Variants in VPS11 observed in about 807,000 individuals in gnomAD.
VPS11 encodes the protein vacuolar protein sorting-associated protein 11 homolog.
Under a neutral mutation model 106.8 loss-of-function variants are expected in VPS11, and 51 were observed. The observed-to-expected ratio is 0.48, with a 90% CI of 0.38 to 0.60. VPS11 has a LOEUF of 0.60. VPS11 is among the 20% of genes least tolerant of loss of function. The pLI, the probability that VPS11 is intolerant of heterozygous loss-of-function variation, is 0.00. For missense variants in VPS11, 950 were observed against 1,190.0 expected (o/e 0.80, Z 2.97); for synonymous variants, 453 against 458.7 (o/e 0.99, Z 0.16).
At position 119,077,557 on chromosome 11, in the gene VPS11, G is replaced by C; in HGVS notation, c.1482G>C (p.Arg494=). The C allele has an allele frequency of 3.7e-6, 6 of 1,614,000 alleles. No homozygotes were observed. The highest frequency in any genetic ancestry group is 5.1e-6 in the Non-Finnish European group (6 of 1,179,872). Reference sequence around the variant, plus strand: ...TGGAGACAGCCATCAAGGTCCTCCGGCAGGCTGGCTACTACTCCCATGCCC... The same window carrying C: ...TGGAGACAGCCATCAAGGTCCTCCGCCAGGCTGGCTACTACTCCCATGCCC... The part of the protein sequence containing the change: ...FDVETAIKVL[R]QAGYYSHALY... The change falls in exon 9 of 16, where the codon CGG becomes CGC. Residue 494 remains arginine, a synonymous_variant. Transcript: ENST00000621676.
At chr11:119,071,212 G>C (rs1945375500) in intron 4 of VPS11, among the ~76,000 whole-genome samples, 2 of 152,222 alleles carry the variant, frequency 1.3e-5, no homozygotes, top group Non-Finnish European at 2.9e-5. Context: ...TTACAGGCAT[G>C]AGCCACTGCA....
chr11:119,069,177 C>T lies in VPS11; in HGVS notation c.188-19C>T, dbSNP rs1017758359. ...TAAGTATCTCTCCTTGGAAAGGAGG[C>T]TCCTTGACTACCCTGCACATATGGA... On this transcript the variant is annotated intron_variant, in intron 1 of 15. Coordinates refer to ENST00000621676, the MANE Select transcript of VPS11 (RefSeq NM_021729.6). 1.2e-5 allele frequency: 19 copies of T among 1,613,082 alleles called. No individual in the cohort carries two copies. The Admixed American group carries it at 2.0e-4, about 17-fold the overall frequency.
rs1288596421 is a variant in VPS11, at chr11:119,081,769, T to C, written c.*146T>C. 1.8e-6 allele frequency: 2 copies of C among 1,094,112 alleles called. No individual in the cohort carries two copies. The highest frequency in any genetic ancestry group is 5.2e-5 in the East Asian group (2 of 38,544). The allele number at this position is 1,094,112 out of a possible 1,614,324, so 67.8% of individuals were successfully genotyped here. A position where few individuals can be genotyped will look rare whatever the true frequency, so the allele number is the denominator to read the frequency against. On this transcript the variant is annotated 3_prime_UTR_variant, in exon 16 of 16. Transcript: ENST00000621676. ...CACAGCCCTCAGAACTAAAGCGGAC[T>C]TTCTTTCCCTGCCTTCTTATTTAGT... is the stretch of plus-strand genomic sequence containing the variant.
intron 10 of VPS11, 49 bp from the exon 11 acceptor site, chr11:119,078,124 A>G (rs781965646): frequency 3.1e-6 from 5 of 1,609,744 alleles, no homozygotes; most frequent in Non-Finnish European, 4.2e-6. Flanking sequence ...GGCTTCCTGT[A>G]TATCACGCCC....
chr11:119,078,994 C>G lies in VPS11; in HGVS notation c.2263C>G (p.Leu755Val). 6.2e-7 allele frequency: 1 copy of G among 1,613,926 alleles called. No homozygotes were observed. Among genetic ancestry groups the G allele is most frequent in the Non-Finnish European group, 8.5e-7 (1 of 1,179,898 alleles). Residue 755 changes from leucine (L) to valine (V), a missense_variant, in exon 13 of 16, where the codon CTA becomes GTA. Physicochemically the swap from Leu to Val is conservative, Grantham distance 32. This residue lies in a region of VPS11 where 453 missense variants were observed against 514.6 expected (regional missense o/e 0.88). Coordinates refer to ENST00000621676, the MANE Select transcript of VPS11 (RefSeq NM_021729.6). Reference protein sequence around the residue: ...IENKNLMPPLLVVQTLAHNST... With the variant: ...IENKNLMPPLVVVQTLAHNST... Reference sequence around the variant, plus strand: ...GAACAAGAACCTCATGCCACCTCTTCTAGGTACTTGGGAAGACAGATGGGT... The same window carrying G: ...GAACAAGAACCTCATGCCACCTCTTGTAGGTACTTGGGAAGACAGATGGGT...
At position 119,071,645 on chromosome 11, in the gene VPS11, A is replaced by C; in HGVS notation, c.686A>C (p.His229Pro). 1.2e-6 allele frequency: 2 copies of C among 1,613,974 alleles called. No individual in the cohort carries two copies. The highest frequency in any genetic ancestry group is 1.7e-6 in the Non-Finnish European group (2 of 1,179,892). The change falls in exon 5 of 16, where the codon CAT becomes CCT. Residue 229 changes from histidine to proline, a missense_variant. Transcript: ENST00000621676. ...TACCCTCGCGTGGAGTTGGACACCCATGGTTGTGGCCTGCGCTGCTCAGCC... is the reference window on the plus strand; with the variant it reads ...TACCCTCGCGTGGAGTTGGACACCCCTGGTTGTGGCCTGCGCTGCTCAGCC... Reference protein sequence around the residue: ...KDYPRVELDTHGCGLRCSALS... With the variant: ...KDYPRVELDTPGCGLRCSALS...
At chr11:119,078,096 T>A (rs1002404507) in intron 10 of VPS11, 30 bp downstream of exon 10, 8 of 1,609,246 alleles carry the variant, frequency 5.0e-6, no homozygotes, top group Non-Finnish European at 5.1e-6. Flanking sequence ...AGCTTCAGAC[T>A]GTGGGGATCA....
At position 119,068,443 on chromosome 11, in the gene VPS11, C is replaced by CTTTTTTTTTTTTTTTTTTTTTTTTTT. The variant is rs1945208004; in HGVS notation, c.187+433_187+434insTTTTTTTTTTTTTTTTTTTTTTTTTT. Among the ~76,000 whole-genome samples, 6 of 35,796 alleles carry CTTTTTTTTTTTTTTTTTTTTTTTTTT rather than the reference C, an allele frequency of 1.7e-4. 3 individuals are homozygous for CTTTTTTTTTTTTTTTTTTTTTTTTTT. The allele number at this position is 35,796 out of a possible 152,430, so 23.5% of individuals were successfully genotyped here. On this transcript the variant is annotated intron_variant, in intron 1 of 15. Coordinates refer to ENST00000621676, the MANE Select transcript of VPS11 (RefSeq NM_021729.6). ...CTGCTACTAAATTCTGGCCTTTTTA[C>CTTTTTTTTTTTTTTTTTTTTTTTTTT]CTTTTTTTTTTTTTTTTTTTTTTTG... is the stretch of plus-strand genomic sequence containing the variant.
intron 1 of VPS11, 115 bp downstream of exon 1, chr11:119,068,125 A>G: frequency 8.1e-7 from 1 of 1,228,460 alleles, no homozygotes; most frequent in Non-Finnish European, 1.1e-6. Flanking sequence ...TTAGCTGGTC[A>G]TCCAGAGTTG....
chr11:119,078,194 C>T lies in VPS11; in HGVS notation c.1783C>T (p.Pro595Ser). 6.2e-7 allele frequency: 1 copy of T among 1,613,476 alleles called. No individual in the cohort carries two copies. The highest frequency in any genetic ancestry group is 8.5e-7 in the Non-Finnish European group (1 of 1,179,878). The change falls in exon 11 of 16, where the codon CCC becomes TCC. Residue 595 changes from proline (P) to serine (S), a missense_variant. Pro to Ser is a moderately conservative substitution (Grantham distance 74, BLOSUM62 -1). This residue lies in a region of VPS11 where 453 missense variants were observed against 514.6 expected (regional missense o/e 0.88). Transcript: ENST00000621676. ...GCRANSEEFI[P>S]IFANNPRELK... ...CTAGGCCAACTCTGAGGAGTTCATC[C>T]CCATCTTTGCCAATAACCCGCGAGA...
rs1945496508 is a variant in VPS11 at position 119,073,850 on chromosome 11, C to T, written c.1137C>T (p.Ser379=). The part of the protein sequence containing the change: ...LFEMAINLAK[S]QHLDSDGLAQ... ...AGATGGCGATTAACCTTGCCAAGAG[C>T]CAGCATCTGGACAGTGATGGGCTGG... The change falls in exon 7 of 16, where the codon AGC becomes AGT. Residue 379 remains serine (S), a synonymous_variant. Coordinates refer to ENST00000621676, the MANE Select transcript of VPS11 (RefSeq NM_021729.6). The T allele has an allele frequency of 3.1e-6, 5 of 1,613,512 alleles. No homozygotes were observed. Among genetic ancestry groups the T allele is most frequent in the Non-Finnish European group, 4.2e-6 (5 of 1,179,578 alleles).
chr11:119,072,283 G>C (rs1945426277), intron 5 of VPS11: 2 of 168,538 alleles, frequency 1.2e-5, no homozygotes, highest in South Asian at 2.9e-4. Flanking sequence ...CTTATAGCTA[G>C]AGTTGGTTAC....
rs1945464732 is a variant in VPS11 at position 119,073,194 on chromosome 11, G to A, written c.885-4G>A. 2 of 1,610,738 alleles carry A rather than the reference G, an allele frequency of 1.2e-6. No individual in the cohort carries two copies. Among genetic ancestry groups the A allele is most frequent in the East Asian group, 2.2e-5 (1 of 44,828 alleles). On this transcript the variant is annotated splice_region_variant and splice_polypyrimidine_tract_variant and intron_variant, in intron 5 of 15. Transcript: ENST00000621676. ...ACATCTGGTGCTTTTTCTTTCCTAT[G>A]CAGGTCAGAGTTTACCAGCAGGGAT...
At position 119,073,313 on chromosome 11, in the gene VPS11, C is replaced by G. The variant is rs782379313; in HGVS notation, c.1000C>G (p.Leu334Val). 6.2e-7 allele frequency: 1 copy of G among 1,614,050 alleles called. No homozygotes were observed. The highest frequency in any genetic ancestry group is 1.1e-5 in the South Asian group (1 of 91,082). ...CGTCTTTGAGGATGTAGTGGATGTGCTTGCTGAGTGGGGCTCCCTGTACGT... is the reference window on the plus strand; with the variant it reads ...CGTCTTTGAGGATGTAGTGGATGTGGTTGCTGAGTGGGGCTCCCTGTACGT... ...STVFEDVVDV[L>V]AEWGSLYVLT... Residue 334 changes from leucine (L) to valine (V), a missense_variant, in exon 6 of 16, where the codon CTT (leucine) becomes GTT (valine). This residue lies in a region of VPS11 where 435 missense variants were observed against 630.2 expected (regional missense o/e 0.69). Coordinates refer to ENST00000621676, the MANE Select transcript of VPS11 (RefSeq NM_021729.6).
intron 7 of VPS11, 74 bp downstream of exon 7, chr11:119,074,025 G>C (rs867590274): frequency 5.3e-6 from 8 of 1,497,234 alleles, no homozygotes; most frequent in Non-Finnish European, 6.3e-6. Context: ...GCCCATCCAT[G>C]CTCCAGGTAG....
In VPS11 at chr11:119,079,273, G is replaced by T. The variant is rs782635161; in HGVS notation, c.2411G>T (p.Arg804Leu). The T allele has an allele frequency of 5.0e-6, 8 of 1,599,450 alleles. No individual in the cohort carries two copies. In the Admixed American group the frequency reaches 6.9e-5, roughly 14 times the overall value. Residue 804 changes from arginine (R) to leucine (L), a missense_variant, in exon 14 of 16, where the codon CGC becomes CTC. Around this residue, in one of 3 missense-constraint regions of VPS11, gnomAD observed 453 missense variants for 514.6 expected, o/e 0.88. Transcript: ENST00000621676. Reference protein sequence around the residue: ...RRYREETTRIRQEIQELKASP... With the variant: ...RRYREETTRILQEIQELKASP... ...TACCGAGAGGAGACCACCCGTATCC[G>T]CCAGGAGATCCAAGAGCTCAAGGCC...
intron 5 of VPS11, chr11:119,072,153 A>G (rs1592183981): frequency 1.0e-5 from 3 of 286,518 alleles, no homozygotes; most frequent in Non-Finnish European, 2.1e-5. Flanking sequence ...TTCAGTAGAG[A>G]CGAGGTTTCA....
chr11:119,075,102 T>TA (rs1052259202), intron 7 of VPS11, among the ~76,000 whole-genome samples: 12 of 151,532 alleles, frequency 7.9e-5, no homozygotes, highest in African/African-American at 2.7e-4. Flanking sequence ...CCGTCTCTAC[T>TA]AAAAAATACA....
chr11:119,072,003 C>G (rs1235152147), intron 5 of VPS11, 160 bp downstream of exon 5: 1 of 969,674 alleles, frequency 1.0e-6, no homozygotes, highest in African/African-American at 1.7e-5. Flanking sequence ...TGGAGTCTCG[C>G]TCTGTCACCC....
Sources: gnomAD v4.1 joint callset for allele counts (sites outside exome capture counted in the v4.1 genomes callset) on GRCh38, gnomAD v4.1.1 for gene constraint, gnomAD v4.1.1 regional missense constraint, MANE v1.5 for transcripts, NCBI Gene and HGNC (gene_info 2026-07-23, HGNC 2026-07-21) for gene names.